Variants in LPP observed in about 807,000 individuals in gnomAD.
The protein encoded by LPP is lipoma-preferred partner.
A neutral mutation model predicts 60.4 loss-of-function variants in LPP; 38 were observed. The ratio of observed to expected loss-of-function variants is 0.63; its 90% CI spans 0.49 to 0.83. LPP has a LOEUF of 0.83. Ranked by LOEUF, LPP falls within the 40% of genes least tolerant of loss-of-function variation. The pLI is 0.00. For synonymous variants in LPP, 328 were observed against 290.8 expected (o/e 1.13, Z -1.30); for missense variants, 902 against 783.6 (o/e 1.15, Z -1.80).
At chr3:188,520,834 T>C (rs1364327708) in intron 5 of LPP, among the ~76,000 whole-genome samples, 1 of 152,190 alleles carries the variant, frequency 6.6e-6, no homozygotes, top group Admixed American at 6.5e-5. Context: ...CAGGAGAATC[T>C]TCCTTGTTGC....
intron 6 of LPP, among the ~76,000 whole-genome samples, chr3:188,576,343 T>C (rs1158906896): frequency 1.3e-5 from 2 of 152,182 alleles, no homozygotes; most frequent in Non-Finnish European, 2.9e-5. Flanking sequence ...GGTTGTGGGC[T>C]CACTCTCTGA....
At position 188,621,442 on chromosome 3, in the gene LPP, C is replaced by T. The variant is rs940624657; in HGVS notation, c.1113+11598C>T. ...GGTATTTGGCTTTCTGTCCCTGCAT[C>T]AATTTGCTTAGGATTATGGCCTCTA... On this transcript the variant is annotated intron_variant, in intron 7 of 11. Transcript: ENST00000617246. 7.2e-5 allele frequency among the ~76,000 whole-genome samples: 11 copies of T among 152,236 alleles called. No homozygotes were observed. The South Asian group carries it at 1.4e-3, about 20-fold the overall frequency.
At chr3:188,694,205 A>G (rs1027845137) in intron 7 of LPP, among the ~76,000 whole-genome samples, 1 of 152,228 alleles carries the variant, frequency 6.6e-6, no homozygotes, top group Admixed American at 6.5e-5. Context: ...TCACTGGAAA[A>G]TGACACTGTC....
chr3:188,811,374 A>ACACACACACACG (rs1239715042), intron 9 of LPP, among the ~76,000 whole-genome samples: 2 of 151,736 alleles, frequency 1.3e-5, no homozygotes, highest in African/African-American at 4.8e-5. Context: ...ACACACACAC[A>ACACACACACACG]CACACACACA....
chr3:188,247,742 T>C (rs1255006157), intron 2 of LPP, among the ~76,000 whole-genome samples: 2 of 145,852 alleles, frequency 1.4e-5, no homozygotes, highest in Non-Finnish European at 3.0e-5. Flanking sequence ...GAGGTTGCAG[T>C]GAGACGAGAT....
intron 7 of LPP, among the ~76,000 whole-genome samples, chr3:188,643,260 T>C (rs1850508668): frequency 6.6e-6 from 1 of 152,196 alleles, no homozygotes; most frequent in Non-Finnish European, 1.5e-5. Context: ...TAAGAGAACT[T>C]ACTTCACTTA....
chr3:188,691,000 T>C (rs188707708), intron 7 of LPP, among the ~76,000 whole-genome samples: 2 of 152,328 alleles, frequency 1.3e-5, no homozygotes, highest in Admixed American at 6.5e-5. Flanking sequence ...TATCCATATT[T>C]TTCCCTAGAG....
chr3:188,694,707 A>AT (rs951991078), intron 7 of LPP, among the ~76,000 whole-genome samples: 25 of 150,772 alleles, frequency 1.7e-4, no homozygotes, highest in South Asian at 1.2e-3. Flanking sequence ...CAAAAAAAAA[A>AT]AAATAAATAA....
chr3:188,340,396 CTTT>C (rs5855188), intron 2 of LPP, among the ~76,000 whole-genome samples: 4 of 116,626 alleles, frequency 3.4e-5, no homozygotes, highest in African/African-American at 6.4e-5. Flanking sequence ...CAATCATGCT[CTTT>C]TTTTTTTTTT....
chr3:188,772,069 G>T (rs1349694575), intron 9 of LPP, among the ~76,000 whole-genome samples: 1 of 152,170 alleles, frequency 6.6e-6, no homozygotes, highest in African/African-American at 2.4e-5. Flanking sequence ...AAATTTTTAT[G>T]CACAGTCAAG....
chr3:188,637,847 G>T lies in LPP; in HGVS notation c.1113+28003G>T, dbSNP rs547952970. Reference sequence around the variant, plus strand: ...TGAATCTCTGAATAGACCAATAACAGGATCTGAAATTGTGGCAATAATCAA... The same window carrying T: ...TGAATCTCTGAATAGACCAATAACATGATCTGAAATTGTGGCAATAATCAA... On this transcript the variant is annotated intron_variant, in intron 7 of 11. Transcript: ENST00000617246. Among the ~76,000 whole-genome samples, 3 of 152,002 alleles carry T rather than the reference G, an allele frequency of 2.0e-5. No individual in the cohort carries two copies. The South Asian group carries it at 6.2e-4, about 32-fold the overall frequency.
At position 188,182,018 on chromosome 3, in the gene LPP, C is replaced by T. The variant is rs921740486; in HGVS notation, c.-190+27766C>T. On this transcript the variant is annotated intron_variant, in intron 1 of 11. Transcript: ENST00000617246. This position sits in a 1 kb window ranked among gnomAD's most constrained non-coding sequence, Gnocchi z 4.4. ...GCTGGGATGCCCACAGCACTTTGGC[C>T]AGATCTCTGATATAGAATTTAAGGC... Among the ~76,000 whole-genome samples the T allele has an allele frequency of 1.3e-5, 2 of 152,206 alleles. No homozygotes were observed. Among genetic ancestry groups the T allele is most frequent in the Non-Finnish European group, 2.9e-5 (2 of 68,040 alleles).
At chr3:188,264,880 G>A (rs1335758532) in intron 2 of LPP, among the ~76,000 whole-genome samples, 1 of 151,588 alleles carries the variant, frequency 6.6e-6, no homozygotes, top group African/African-American at 2.4e-5. Flanking sequence ...AAATAAAAAA[G>A]CAAAACAAAA....
At chr3:188,540,199 C>A (rs566404035) in intron 6 of LPP, among the ~76,000 whole-genome samples, 25 of 152,218 alleles carry the variant, frequency 1.6e-4, no homozygotes, top group African/African-American at 5.3e-4. Context: ...AGTTGGTTTG[C>A]AAACTGGACT....
chr3:188,512,124 T>TTCTA (rs1437304834), intron 5 of LPP, among the ~76,000 whole-genome samples: 2 of 152,200 alleles, frequency 1.3e-5, no homozygotes, highest in African/African-American at 4.8e-5. Context: ...CCCCTTCTAG[T>TTCTA]TCTAATATTT....
intron 4 of LPP, among the ~76,000 whole-genome samples, chr3:188,479,226 A>T (rs901264464): frequency 6.6e-6 from 1 of 152,178 alleles, no homozygotes; most frequent in Admixed American, 6.5e-5. Flanking sequence ...ACATGCTTTT[A>T]TGCTTACCTT....
chr3:188,868,642 T>C (rs1170741384), intron 10 of LPP, among the ~76,000 whole-genome samples: 1 of 152,220 alleles, frequency 6.6e-6, no homozygotes, highest in Admixed American at 6.5e-5. Flanking sequence ...TTAAAATTAC[T>C]AGAATACAAA....
At chr3:188,495,562 T>C (rs1476036894) in intron 5 of LPP, among the ~76,000 whole-genome samples, 1 of 152,156 alleles carries the variant, frequency 6.6e-6, no homozygotes, top group Non-Finnish European at 1.5e-5. Flanking sequence ...AAAGCAGCCA[T>C]TGTCGTCAAT....
chr3:188,776,352 A>G (rs1737778208), intron 9 of LPP, among the ~76,000 whole-genome samples: 1 of 152,190 alleles, frequency 6.6e-6, no homozygotes, highest in Non-Finnish European at 1.5e-5. Flanking sequence ...CAATATCTCA[A>G]CATTTTTTTA....
Sources: allele counts gnomAD v4.1 joint callset (sites outside exome capture counted in the v4.1 genomes callset), GRCh38; gene constraint gnomAD v4.1.1; non-coding constraint Gnocchi (gnomAD v3.1); transcripts MANE v1.5; gene names NCBI Gene and HGNC (gene_info 2026-07-23, HGNC 2026-07-21).